Variants in ARRB1 observed in about 807,000 individuals in gnomAD.
ARRB1 encodes the protein beta-arrestin-1.
A neutral mutation model predicts 56.8 loss-of-function variants in ARRB1; 21 were observed. That is an observed-to-expected ratio of 0.37 (90% CI 0.26 to 0.53). The LOEUF is 0.53. ARRB1 is among the 20% of genes least tolerant of loss of function. ARRB1 has a pLI of 0.88. For missense variants in ARRB1, 424 were observed against 553.7 expected (o/e 0.77, Z 2.35); for synonymous variants, 210 against 218.6 (o/e 0.96, Z 0.35).
chr11:75,311,686 A>C lies in ARRB1; in HGVS notation c.21-21647T>G, dbSNP rs564807841. ...CCACACACAGGCAAACAAAAAAAGTAAGGTCCAGTGAAGGCAGATGGTGAG... is the reference window on the plus strand; with the variant it reads ...CCACACACAGGCAAACAAAAAAAGTCAGGTCCAGTGAAGGCAGATGGTGAG... On this transcript the variant is annotated intron_variant, in intron 1 of 15. Transcript: ENST00000420843. 5.3e-5 allele frequency among the ~76,000 whole-genome samples: 8 copies of C among 152,296 alleles called. No individual in the cohort carries two copies. In the South Asian group the frequency reaches 1.5e-3, roughly 28 times the overall value.
intron 1 of ARRB1, among the ~76,000 whole-genome samples, chr11:75,329,072 C>T (rs747642708): frequency 3.4e-4 from 51 of 150,558 alleles, no homozygotes; most frequent in Non-Finnish European, 6.9e-4. Flanking sequence ...TGGGACCATT[C>T]CTTCCTGCTG....
intron 1 of ARRB1, among the ~76,000 whole-genome samples, chr11:75,291,312 C>T (rs779694695): frequency 6.6e-5 from 10 of 151,998 alleles, no homozygotes; most frequent in East Asian, 5.8e-4. Context: ...CCAGCCTGGG[C>T]GACAGAGCAA....
At chr11:75,332,256 A>G (rs1391227287) in intron 1 of ARRB1, among the ~76,000 whole-genome samples, 1 of 152,224 alleles carries the variant, frequency 6.6e-6, no homozygotes, top group African/African-American at 2.4e-5. Context: ...CAATTGCGAG[A>G]TAAGGAAGAA....
chr11:75,327,857 G>A (rs1306268190), intron 1 of ARRB1, among the ~76,000 whole-genome samples: 5 of 152,024 alleles, frequency 3.3e-5, no homozygotes, highest in Admixed American at 1.3e-4. Context: ...CCAGTGCTGG[G>A]ATTACAAGCA....
chr11:75,324,304 TACTGCTGGG>T (rs889331788), intron 1 of ARRB1, among the ~76,000 whole-genome samples: 1 of 152,224 alleles, frequency 6.6e-6, no homozygotes, highest in African/African-American at 2.4e-5. Flanking sequence ...CTGCTTCCTT[TACTGCTGGG>T]ACAGCGCCTA....
chr11:75,314,611 T>G (rs1591966681), intron 1 of ARRB1, among the ~76,000 whole-genome samples: 1 of 131,554 alleles, frequency 7.6e-6, no homozygotes, highest in Non-Finnish European at 1.5e-5. Context: ...CAACAGCACG[T>G]TTTTTTTTCT....
At chr11:75,327,241 G>T (rs1947451176) in intron 1 of ARRB1, among the ~76,000 whole-genome samples, 1 of 139,666 alleles carries the variant, frequency 7.2e-6, no homozygotes, top group Non-Finnish European at 1.5e-5. Flanking sequence ...GGCGGAGCTT[G>T]CAGTGAGCCG....
At chr11:75,332,514 AT>A (rs1947537664) in intron 1 of ARRB1, among the ~76,000 whole-genome samples, 3 of 152,212 alleles carry the variant, frequency 2.0e-5, no homozygotes, top group Admixed American at 6.5e-5. Context: ...CGTCTCCACA[AT>A]CTTTTATCTT....
chr11:75,287,061 G>A (rs1052474121), intron 3 of ARRB1, among the ~76,000 whole-genome samples: 10 of 152,102 alleles, frequency 6.6e-5, no homozygotes, highest in South Asian at 4.1e-4. Flanking sequence ...GGTGTCTGTC[G>A]TCATCACCCT....
chr11:75,308,832 G>T (rs368853912), intron 1 of ARRB1, among the ~76,000 whole-genome samples: 33 of 152,120 alleles, frequency 2.2e-4, no homozygotes, highest in Middle Eastern at 3.2e-3. Flanking sequence ...TCTCCTGGGC[G>T]CAAGTGAGCC....
At chr11:75,333,711 C>T (rs771106798) in intron 1 of ARRB1, among the ~76,000 whole-genome samples, 9 of 152,252 alleles carry the variant, frequency 5.9e-5, no homozygotes, top group Non-Finnish European at 1.0e-4. Flanking sequence ...GATTATGTAA[C>T]CGTCTCTAGG....
intron 5 of ARRB1, among the ~76,000 whole-genome samples, chr11:75,282,393 C>T (rs552964283): frequency 6.6e-6 from 1 of 152,280 alleles, no homozygotes; most frequent in East Asian, 1.9e-4. Context: ...GGACCGTATC[C>T]TGGATGATTT....
chr11:75,277,111 TC>T (rs139809706), intron 9 of ARRB1, among the ~76,000 whole-genome samples, 200 bp from the exon 10 acceptor site: 5,075 of 152,238 alleles, frequency 0.033, 131 homozygotes, highest in Non-Finnish European at 0.048. Context: ...ACCAAAGCCT[TC>T]CCCTCAAGGA....
intron 1 of ARRB1, among the ~76,000 whole-genome samples, chr11:75,336,635 T>C (rs1406543096): frequency 6.6e-6 from 1 of 151,986 alleles, no homozygotes; most frequent in Non-Finnish European, 1.5e-5. Context: ...CCCAGGAAAA[T>C]TGGGATGGCT....
intron 1 of ARRB1, among the ~76,000 whole-genome samples, chr11:75,293,521 C>A (rs1946656828): frequency 6.6e-6 from 1 of 152,202 alleles, no homozygotes; most frequent in South Asian, 2.1e-4. Context: ...GAAGAGCAAG[C>A]ACACACGTCC....
intron 2 of ARRB1, among the ~76,000 whole-genome samples, chr11:75,289,441 T>C (rs1946554381): frequency 6.6e-6 from 1 of 152,236 alleles, no homozygotes; most frequent in South Asian, 2.1e-4. Flanking sequence ...TGTGTCTGCC[T>C]CTGCCATCTG....
rs565484102 is a variant in ARRB1 at position 75,264,434 on chromosome 11, G to C, written c.*1729C>G. On this transcript the variant is annotated 3_prime_UTR_variant, in exon 16 of 16. Transcript: ENST00000420843. ...AACCTCAGGGTGTCTGTGCCCACAG[G>C]GGGCTGTGAGGTACTGCAAGCCCTA... 6.6e-6 allele frequency: 1 copy of C among 152,234 alleles called. No homozygotes were observed. The highest frequency in any genetic ancestry group is 1.5e-5 in the Non-Finnish European group (1 of 68,084). The allele number at this position is 152,234 out of a possible 1,614,324, so 9.4% of individuals were successfully genotyped here.
At chr11:75,291,065 G>C (rs1946602051) in intron 1 of ARRB1, among the ~76,000 whole-genome samples, 2 of 152,184 alleles carry the variant, frequency 1.3e-5, no homozygotes, top group African/African-American at 4.8e-5. Context: ...TTTAATAAAT[G>C]ATGGGACCAG....
At chr11:75,283,266 C>G in intron 5 of ARRB1, 21 bp downstream of exon 5, 1 of 1,573,946 alleles carries the variant, frequency 6.4e-7, no homozygotes, top group Admixed American at 1.8e-5. Context: ...GAATGGGGCC[C>G]CAGGGATGGC....
Sources: gnomAD v4.1 joint callset for allele counts (sites outside exome capture counted in the v4.1 genomes callset) on GRCh38, gnomAD v4.1.1 for gene constraint, MANE v1.5 for transcripts, NCBI Gene and HGNC (gene_info 2026-07-23, HGNC 2026-07-21) for gene names.